The following COL5A2 variants were observed in gnomAD, a reference collection of about 807,000 sequenced individuals.
COL5A2 encodes collagen alpha-2(V) chain.
COL5A2 carries 23 observed loss-of-function variants against 208.2 expected under a neutral mutation model. The ratio of observed to expected loss-of-function variants is 0.11; its 90% CI spans 0.08 to 0.16. COL5A2 has a LOEUF of 0.16. Among genes scored for constraint, COL5A2 ranks in the 10% least tolerant of loss-of-function variants. The pLI, the probability that COL5A2 is intolerant of heterozygous loss-of-function variation, is 1.00. For missense variants in COL5A2, 1,590 were observed against 1,956.4 expected (o/e 0.81, Z 3.53); for synonymous variants, 625 against 628.5 (o/e 0.99, Z 0.08).
chr2:189,439,806 A>G, the COL5A2 span, among the ~76,000 whole-genome samples: 3 of 152,252 alleles, frequency 2.0e-5, no homozygotes, highest in Non-Finnish European at 2.9e-5. Context: ...AAGTTACCAT[A>G]CAGTAACATA....
chr2:189,240,223 C>T, the COL5A2 span, among the ~76,000 whole-genome samples: 1 of 152,154 alleles, frequency 6.6e-6, no homozygotes, highest in African/African-American at 2.4e-5. Context: ...AAACAGCAAA[C>T]ATTTGTTTCT....
chr2:189,403,409 C>G, the COL5A2 span, among the ~76,000 whole-genome samples: 1 of 152,092 alleles, frequency 6.6e-6, no homozygotes, highest in Non-Finnish European at 1.5e-5. Flanking sequence ...ATTTCTTTCT[C>G]TTTATTTCTT....
chr2:189,039,922 CAA>C (rs1182584502), intron 50 of COL5A2, among the ~76,000 whole-genome samples: 3 of 152,006 alleles, frequency 2.0e-5, no homozygotes, highest in Non-Finnish European at 4.4e-5. Flanking sequence ...AAGGTACAAC[CAA>C]AATGTTTTAA....
chr2:189,157,133 T>TATAGATATATATAG (rs1248443342), intron 1 of COL5A2, among the ~76,000 whole-genome samples: 1 of 82,840 alleles, frequency 1.2e-5, no homozygotes, highest in Non-Finnish European at 2.8e-5. Flanking sequence ...TCTATCTATA[T>TATAGATATATATAG]ATATATCTAT....
At chr2:189,103,499 A>T (rs923236251) in intron 3 of COL5A2, among the ~76,000 whole-genome samples, 11 of 152,072 alleles carry the variant, frequency 7.2e-5, no homozygotes, top group African/African-American at 2.4e-4. Context: ...TACTGCCTTG[A>T]TCCCTGTGCC....
At chr2:189,294,268 G>A in the COL5A2 span, among the ~76,000 whole-genome samples, 1 of 152,080 alleles carries the variant, frequency 6.6e-6, no homozygotes, top group South Asian at 2.1e-4. Flanking sequence ...GCTGTTAAGG[G>A]AACATAAAAT....
At chr2:189,368,986 AGAAGTGATTTCATTTGTGCCAT>A in the COL5A2 span, among the ~76,000 whole-genome samples, 1 of 152,340 alleles carries the variant, frequency 6.6e-6, no homozygotes, top group East Asian at 1.9e-4. Context: ...TACAGTAAAC[AGAAGTGATTTCATTTGTGCCAT>A]GAGAATGTGT....
At chr2:189,283,759 G>C in the COL5A2 span, among the ~76,000 whole-genome samples, 2 of 152,020 alleles carry the variant, frequency 1.3e-5, no homozygotes, top group African/African-American at 4.8e-5. Context: ...AGGAAATTAG[G>C]TGTGGGATAT....
intron 1 of COL5A2, among the ~76,000 whole-genome samples, chr2:189,191,053 G>A (rs1322314245): frequency 2.0e-5 from 3 of 151,122 alleles, no homozygotes; most frequent in African/African-American, 7.3e-5. Context: ...TTGGAAAGAG[G>A]TTCTGGATGT....
chr2:189,438,865 A>G, the COL5A2 span, among the ~76,000 whole-genome samples: 6 of 152,204 alleles, frequency 3.9e-5, no homozygotes. Flanking sequence ...TCAATTTCAG[A>G]GTAAAACCCA....
chr2:189,416,953 CATTT>C, the COL5A2 span, among the ~76,000 whole-genome samples: 1 of 152,028 alleles, frequency 6.6e-6, no homozygotes, highest in African/African-American at 2.4e-5. Flanking sequence ...TCTGCTTAAA[CATTT>C]TTTTTCTAAA....
intron 1 of COL5A2, among the ~76,000 whole-genome samples, chr2:189,117,703 A>G (rs909094742): frequency 6.7e-6 from 1 of 150,034 alleles, no homozygotes; most frequent in Non-Finnish European, 1.5e-5. Flanking sequence ...ACATACAACC[A>G]TAACACTCTC....
the COL5A2 span, among the ~76,000 whole-genome samples, chr2:189,360,970 CTG>C: frequency 7.3e-6 from 1 of 137,792 alleles, no homozygotes; most frequent in African/African-American, 2.6e-5. Context: ...TATGGCTGTT[CTG>C]TTTTTTTTTT....
intron 48 of COL5A2, 73 bp downstream of exon 48, chr2:189,043,078 G>C: frequency 9.2e-7 from 1 of 1,089,202 alleles, no homozygotes; most frequent in South Asian, 1.3e-5. Flanking sequence ...TTTACAGACA[G>C]ATAAATGTTC....
chr2:189,078,156 C>T (rs1429208936), intron 16 of COL5A2, among the ~76,000 whole-genome samples: 1 of 152,076 alleles, frequency 6.6e-6, no homozygotes, highest in Non-Finnish European at 1.5e-5. Flanking sequence ...ATATAATAAG[C>T]TCTTGATAAA....
In COL5A2 at chr2:189,039,360, A is replaced by G. The variant is rs148795690; in HGVS notation, c.3837T>C (p.Ile1279=). ...AGCCATCGGGGCTGCGCATGGTTTC[A>G]ATCTGACTACTGAGTGACTTCAGGG... ...HATLKSLSSQ[I]ETMRSPDGSK... Residue 1279 remains isoleucine, a synonymous_variant, in exon 51 of 54, where the codon ATT becomes ATC. Coordinates refer to ENST00000374866, the MANE Select transcript of COL5A2 (RefSeq NM_000393.5). The G allele has an allele frequency of 9.5e-4, 1,531 of 1,614,088 alleles. 1 individual carries two copies. Among genetic ancestry groups the G allele is most frequent in the Non-Finnish European group, 1.2e-3 (1,462 of 1,180,030 alleles).
intron 1 of COL5A2, among the ~76,000 whole-genome samples, chr2:189,135,220 A>G (rs1687804268): frequency 6.6e-6 from 1 of 152,220 alleles, no homozygotes; most frequent in African/African-American, 2.4e-5. Context: ...ATAAAAACAG[A>G]ACCTACCACA....
chr2:189,188,435 T>C (rs1192874663), intron 1 of COL5A2, among the ~76,000 whole-genome samples: 3 of 152,240 alleles, frequency 2.0e-5, no homozygotes, highest in Non-Finnish European at 1.5e-5. Flanking sequence ...AAAGCTTTTA[T>C]GTTTACATTT....
chr2:189,373,751 C>A, the COL5A2 span, among the ~76,000 whole-genome samples: 1 of 152,002 alleles, frequency 6.6e-6, no homozygotes, highest in Non-Finnish European at 1.5e-5. Flanking sequence ...AAACTTAGAT[C>A]CTAAGAGAGC....
Sources: gnomAD v4.1 joint callset for allele counts (sites outside exome capture counted in the v4.1 genomes callset) on GRCh38, gnomAD v4.1.1 for gene constraint, MANE v1.5 for transcripts, NCBI Gene and HGNC (gene_info 2026-07-23, HGNC 2026-07-21) for gene names.